HTR1F: variants seen among roughly 807,000 people sequenced by gnomAD.
The protein encoded by HTR1F is 5-hydroxytryptamine (serotonin) receptor 1F, G protein-coupled.
In HTR1F, 17 loss-of-function variants were observed where a neutral mutation model predicts 24.0. The ratio of observed to expected loss-of-function variants is 0.71; its 90% CI spans 0.48 to 1.06. The LOEUF (loss-of-function observed/expected upper bound fraction) is 1.06. Ranked by LOEUF, HTR1F falls within the 50% of genes least tolerant of loss-of-function variation. HTR1F has a pLI of 0.00. For missense variants in HTR1F, 391 were observed against 427.8 expected (o/e 0.91, Z 0.76); for synonymous variants, 186 against 156.8 (o/e 1.19, Z -1.39).
chr3:87,906,906 T>C (rs1703679225), intron 2 of HTR1F, among the ~76,000 whole-genome samples: 2 of 152,104 alleles, frequency 1.3e-5, no homozygotes, highest in South Asian at 4.1e-4. Flanking sequence ...ATGGTATATA[T>C]ACACCACATT....
chr3:87,890,113 T>C (rs1276933884), intron 2 of HTR1F, among the ~76,000 whole-genome samples: 1 of 152,242 alleles, frequency 6.6e-6, no homozygotes, highest in Admixed American at 6.5e-5. Flanking sequence ...ATAATACCTA[T>C]GCAGTGTGCT....
intron 2 of HTR1F, among the ~76,000 whole-genome samples, chr3:87,832,472 C>T (rs894861208): frequency 6.6e-6 from 1 of 151,904 alleles, no homozygotes; most frequent in African/African-American, 2.4e-5. Flanking sequence ...GGACTACAGG[C>T]GCACGCCGCC....
At chr3:87,881,437 C>G (rs1360849332) in intron 2 of HTR1F, among the ~76,000 whole-genome samples, 2 of 152,286 alleles carry the variant, frequency 1.3e-5, no homozygotes, top group South Asian at 2.1e-4. Context: ...GAAGCTCGAA[C>G]CAGGCAGAGC....
intron 2 of HTR1F, among the ~76,000 whole-genome samples, chr3:87,976,489 C>A (rs1416316872): frequency 6.6e-6 from 1 of 151,948 alleles, no homozygotes; most frequent in Non-Finnish European, 1.5e-5. Flanking sequence ...ATAGCAAGAC[C>A]CCCATCTCTT....
At chr3:87,860,359 T>C (rs1487290509) in intron 2 of HTR1F, among the ~76,000 whole-genome samples, 1 of 152,200 alleles carries the variant, frequency 6.6e-6, no homozygotes, top group Non-Finnish European at 1.5e-5. Context: ...TTTGTTGCTA[T>C]TTGAGGCATA....
chr3:87,940,747 A>T (rs1348540950), intron 2 of HTR1F, among the ~76,000 whole-genome samples: 1 of 152,168 alleles, frequency 6.6e-6, no homozygotes, highest in African/African-American at 2.4e-5. Context: ...CAGTAACCAA[A>T]ACAGCATGGT....
intron 2 of HTR1F, among the ~76,000 whole-genome samples, chr3:87,833,216 G>C (rs1286772688): frequency 1.3e-5 from 2 of 152,136 alleles, no homozygotes; most frequent in Non-Finnish European, 2.9e-5. Flanking sequence ...TCTAGATAAA[G>C]GCATATAGGG....
intron 2 of HTR1F, among the ~76,000 whole-genome samples, chr3:87,862,887 G>C (rs1233901483): frequency 6.6e-6 from 1 of 151,942 alleles, no homozygotes; most frequent in African/African-American, 2.4e-5. Context: ...TAGGATCTTG[G>C]TTCACTGCAA....
At position 87,991,442 on chromosome 3, in the gene HTR1F, G is replaced by C; in HGVS notation, c.693G>C (p.Leu231Phe). 2 of 1,613,988 alleles carry C rather than the reference G, an allele frequency of 1.2e-6. No individual in the cohort carries two copies. The highest frequency in any genetic ancestry group is 1.7e-6 in the Non-Finnish European group (2 of 1,179,954). Residue 231 changes from leucine (L) to phenylalanine (F), a missense_variant, in exon 3 of 3, where the codon TTG (leucine) becomes TTC (phenylalanine). By Grantham distance (22) the Leu-to-Phe change is conservative (BLOSUM62 0). Coordinates refer to ENST00000319595, the MANE Select transcript of HTR1F (RefSeq NM_001322209.2). ...AKEEVNGQVLLESGEKSTKSV... is the reference protein window; with the variant it reads ...AKEEVNGQVLFESGEKSTKSV... Reference sequence around the variant, plus strand: ...AGGAGGTGAATGGCCAAGTCCTTTTGGAGAGTGGTGAGAAAAGCACTAAAT... The same window carrying C: ...AGGAGGTGAATGGCCAAGTCCTTTTCGAGAGTGGTGAGAAAAGCACTAAAT...
At chr3:87,851,390 C>T (rs1394856699) in intron 2 of HTR1F, among the ~76,000 whole-genome samples, 1 of 151,406 alleles carries the variant, frequency 6.6e-6, no homozygotes, top group African/African-American at 2.4e-5. Flanking sequence ...TTTTTTTAAA[C>T]TTTCATTCAA....
chr3:87,980,943 G>C (rs565569266), intron 2 of HTR1F, among the ~76,000 whole-genome samples: 4 of 152,174 alleles, frequency 2.6e-5, no homozygotes, highest in Non-Finnish European at 5.9e-5. Flanking sequence ...ATGACCCTGA[G>C]AGCATAGGAA....
intron 2 of HTR1F, among the ~76,000 whole-genome samples, chr3:87,984,564 G>A (rs1463585008): frequency 6.6e-6 from 1 of 152,124 alleles, no homozygotes; most frequent in African/African-American, 2.4e-5. Context: ...CCAGGTACAA[G>A]TGATTCTCCT....
intron 2 of HTR1F, among the ~76,000 whole-genome samples, chr3:87,976,556 A>G (rs1440301079): frequency 6.6e-6 from 1 of 152,206 alleles, no homozygotes; most frequent in Non-Finnish European, 1.5e-5. Flanking sequence ...TTTCTTTTGA[A>G]CATCACAACA....
At chr3:87,869,408 G>GATACATAGATAC (rs1273934124) in intron 2 of HTR1F, among the ~76,000 whole-genome samples, 1 of 130,728 alleles carries the variant, frequency 7.6e-6, no homozygotes, top group Non-Finnish European at 1.5e-5. Flanking sequence ...TAGATAGATA[G>GATACATAGATAC]ATAGATAGAT....
At chr3:87,794,494 G>A (rs1228488062) in intron 1 of HTR1F, among the ~76,000 whole-genome samples, 1 of 152,162 alleles carries the variant, frequency 6.6e-6, no homozygotes, top group Non-Finnish European at 1.5e-5. Flanking sequence ...ACACTTGCCT[G>A]CTATTAACTT....
intron 2 of HTR1F, among the ~76,000 whole-genome samples, chr3:87,876,737 G>T (rs1389598577): frequency 6.6e-6 from 1 of 152,092 alleles, no homozygotes; most frequent in Admixed American, 6.6e-5. Context: ...GTTTTTCAAG[G>T]TGAAAATTGT....
intron 2 of HTR1F, among the ~76,000 whole-genome samples, chr3:87,945,504 A>G (rs1576072823): frequency 6.6e-6 from 1 of 152,292 alleles, no homozygotes; most frequent in Middle Eastern, 3.4e-3. Flanking sequence ...CACATGGGCG[A>G]CTATTGAGTA....
chr3:87,930,379 C>T lies in HTR1F; in HGVS notation c.-42-60329C>T, dbSNP rs369515158. ...CTTGTGCTGGTTTTCAAGGGAAATG[C>T]TTCCAGCTTTTGCCCATTTGGTAAG... On this transcript the variant is annotated intron_variant, in intron 2 of 2. Transcript: ENST00000319595. Among the ~76,000 whole-genome samples the T allele has an allele frequency of 6.6e-5, 10 of 152,292 alleles. No individual in the cohort carries two copies. In the East Asian group the frequency reaches 1.4e-3, roughly 21 times the overall value.
At chr3:87,864,851 G>A (rs1705390010) in intron 2 of HTR1F, among the ~76,000 whole-genome samples, 1 of 146,788 alleles carries the variant, frequency 6.8e-6, no homozygotes, top group South Asian at 2.1e-4. Context: ...AGCTGAGGTT[G>A]AGCCACTGCA....
Sources: gnomAD v4.1 joint callset for allele counts (sites outside exome capture counted in the v4.1 genomes callset) on GRCh38, gnomAD v4.1.1 for gene constraint, MANE v1.5 for transcripts, NCBI Gene and HGNC (gene_info 2026-07-23, HGNC 2026-07-21) for gene names.